Variants in MORF4L1 observed in about 807,000 individuals in gnomAD.
The protein encoded by MORF4L1 is mortality factor 4-like protein 1.
MORF4L1 carries 4 observed loss-of-function variants against 52.9 expected under a neutral mutation model. That is an observed-to-expected ratio of 0.08 (90% confidence interval 0.04 to 0.17). MORF4L1 has a LOEUF of 0.17. MORF4L1 is among the 10% of genes least tolerant of loss of function. The probability of loss-of-function intolerance (pLI) is 1.00; values close to 1 mark genes in which losing one functional copy is unlikely to be tolerated. For missense variants in MORF4L1, 214 were observed against 390.4 expected (o/e 0.55, Z 3.81); for synonymous variants, 123 against 134.8 (o/e 0.91, Z 0.61).
In MORF4L1 at chr15:78,894,185, C is replaced by G; in HGVS notation, c.757C>G (p.Pro253Ala). The change falls in exon 10 of 12, where the codon CCC (proline) becomes GCC (alanine). Residue 253 changes from proline (P) to alanine (A), a missense_variant. Around this residue, in one of 5 missense-constraint regions of MORF4L1, gnomAD observed 68 missense variants for 171.6 expected, o/e 0.40. Coordinates refer to ENST00000426013, the MANE Select transcript of MORF4L1 (RefSeq NM_006791.4). Reference protein sequence around the residue: ...AEILADHPDAPMSQVYGAPHL... With the variant: ...AEILADHPDAAMSQVYGAPHL... Reference sequence around the variant, plus strand: ...AATTCTTGCAGATCATCCCGATGCACCCATGTCCCAGGTGTATGGAGCGCC... The same window carrying G: ...AATTCTTGCAGATCATCCCGATGCAGCCATGTCCCAGGTGTATGGAGCGCC... 6.2e-7 allele frequency: 1 copy of G among 1,613,840 alleles called. No homozygotes were observed. The highest frequency in any genetic ancestry group is 8.5e-7 in the Non-Finnish European group (1 of 1,179,908).
At chr15:78,873,247 A>C in intron 1 of MORF4L1, 190 bp downstream of exon 1, 1 of 1,502,100 alleles carries the variant, frequency 6.7e-7, no homozygotes, top group Non-Finnish European at 8.8e-7. Flanking sequence ...GCGCTTTGTG[A>C]AGCGAGAGTG....
At chr15:78,896,856 A>T in intron 11 of MORF4L1, 127 bp from the exon 12 acceptor site, 2 of 659,910 alleles carry the variant, frequency 3.0e-6, no homozygotes, top group Non-Finnish European at 5.4e-6. Flanking sequence ...TTTTACTGTG[A>T]GAGAATGTCT....
intron 4 of MORF4L1, 106 bp from the exon 5 acceptor site, chr15:78,887,163 C>T (rs1456886388): frequency 1.1e-6 from 1 of 924,786 alleles, no homozygotes; most frequent in African/African-American, 1.7e-5. Flanking sequence ...TTGTTAAAAA[C>T]TTGTTGCCAG....
chr15:78,878,313 G>A, intron 2 of MORF4L1, 54 bp downstream of exon 2: 1 of 1,531,214 alleles, frequency 6.5e-7, no homozygotes, highest in South Asian at 1.2e-5. Context: ...GTTAGATCTG[G>A]CCATTTAATA....
intron 1 of MORF4L1, among the ~76,000 whole-genome samples, chr15:78,874,960 G>A (rs935993200): frequency 2.6e-5 from 4 of 151,780 alleles, no homozygotes; most frequent in Admixed American, 2.6e-4. Context: ...CACCACATTA[G>A]CATTTTCAGT....
At chr15:78,894,443 C>CACTG in intron 10 of MORF4L1, 1 of 406,272 alleles carries the variant, frequency 2.5e-6, no homozygotes, top group Admixed American at 4.3e-5. Flanking sequence ...CAGACAGTCT[C>CACTG]TGTTGCCCAG....
rs149947320 is a variant in MORF4L1, at chr15:78,896,916, T to C, written c.888-67T>C. The stretch of plus-strand genomic sequence containing the variant: ...TTTTCTGTGGCTTATGTATATAATA[T>C]ATAGGAAGAGATTTGGATCAAGATA... On this transcript the variant is annotated intron_variant, in intron 11 of 11. Transcript: ENST00000426013. The C allele has an allele frequency of 7.6e-5, 91 of 1,199,788 alleles. No homozygotes were observed. The East Asian group carries it at 2.0e-3, about 27-fold the overall frequency. 74.3% of individuals were successfully genotyped at this position (1,199,788 alleles called of 1,614,324 possible).
Position 78,897,403 on chromosome 15 carries a change from G to A in MORF4L1, c.*336G>A, listed in dbSNP as rs1359783447. The A allele has an allele frequency of 1.0e-5, 2 of 198,088 alleles. No homozygotes were observed. The highest frequency in any genetic ancestry group is 9.2e-5 in the South Asian group (1 of 10,830). The allele number at this position is 198,088 out of a possible 1,614,324, so 12.3% of individuals were successfully genotyped here. A position where few individuals can be genotyped will look rare whatever the true frequency, so the allele number is the denominator to read the frequency against. ...ACGCACTTTTATAATACATGTTAAT[G>A]CTATATGACAAAATGCTCTGATTCC... On this transcript the variant is annotated 3_prime_UTR_variant, in exon 12 of 12. Transcript: ENST00000426013.
intron 5 of MORF4L1, among the ~76,000 whole-genome samples, chr15:78,888,788 TA>T (rs1392100150): frequency 1.3e-5 from 2 of 148,474 alleles, no homozygotes; most frequent in African/African-American, 4.9e-5. Context: ...TGAAGCTTTT[TA>T]TTTTTTTTTA....
At position 78,892,306 on chromosome 15, in the gene MORF4L1, A is replaced by G; in HGVS notation, c.533A>G (p.Gln178Arg). ...LVDDWDLITR[Q>R]KQLFYLPAKK... ...GATGACTGGGACTTAATTACCAGGC[A>G]AAAACAGGTAACTTGAAAAGCTACC... is the stretch of plus-strand genomic sequence containing the variant. The change falls in exon 8 of 12, where the codon CAA (glutamine) becomes CGA (arginine). Residue 178 changes from glutamine to arginine, a missense_variant. By Grantham distance (43) the Gln-to-Arg change is conservative (BLOSUM62 1). Around this residue, in one of 5 missense-constraint regions of MORF4L1, gnomAD observed 68 missense variants for 171.6 expected, o/e 0.40. Coordinates refer to ENST00000426013, the MANE Select transcript of MORF4L1 (RefSeq NM_006791.4). 1 of 1,611,088 alleles carries G rather than the reference A, an allele frequency of 6.2e-7. No individual in the cohort carries two copies. Among genetic ancestry groups the G allele is most frequent in the Non-Finnish European group, 8.5e-7 (1 of 1,177,328 alleles).
intron 2 of MORF4L1, among the ~76,000 whole-genome samples, chr15:78,879,015 A>ACTT (rs2141591751): frequency 6.6e-6 from 1 of 151,020 alleles, no homozygotes; most frequent in Non-Finnish European, 1.5e-5. Flanking sequence ...TTCTGACTAA[A>ACTT]TATTAGCCAT....
chr15:78,878,193 T>C lies in MORF4L1; in HGVS notation c.41-20T>C. 6.2e-7 allele frequency: 1 copy of C among 1,605,428 alleles called. No individual in the cohort carries two copies. Among genetic ancestry groups the C allele is most frequent in the Non-Finnish European group, 8.5e-7 (1 of 1,176,410 alleles). On this transcript the variant is annotated intron_variant, in intron 1 of 11. Transcript: ENST00000426013. The stretch of plus-strand genomic sequence containing the variant: ...TATATGAGAAGAAATTACAATTCAG[T>C]ACTTTTTCTCCCTTTACAGGTGAGC...
chr15:78,894,178 C>T lies in MORF4L1; in HGVS notation c.750C>T (p.Pro250=), dbSNP rs769111969. ...PQYAEILADH[P]DAPMSQVYGA... The stretch of plus-strand genomic sequence containing the variant: ...ATGCTGAAATTCTTGCAGATCATCC[C>T]GATGCACCCATGTCCCAGGTGTATG... The change falls in exon 10 of 12, where the codon CCC becomes CCT. Residue 250 remains proline (P), a synonymous_variant. Transcript: ENST00000426013. The T allele has an allele frequency of 2.3e-5, 37 of 1,613,798 alleles. No homozygotes were observed. The South Asian group carries it at 2.5e-4, about 11-fold the overall frequency.
intron 1 of MORF4L1, among the ~76,000 whole-genome samples, chr15:78,877,195 A>T (rs545797405): frequency 7.2e-6 from 1 of 139,808 alleles, no homozygotes; most frequent in South Asian, 2.2e-4. Flanking sequence ...ATCTTAGCTC[A>T]CTGCAACCTC....
chr15:78,879,285 G>A (rs8032867), intron 2 of MORF4L1, among the ~76,000 whole-genome samples: 19,680 of 151,764 alleles, frequency 0.13, 1,352 homozygotes, highest in East Asian at 0.26. Flanking sequence ...GCAGTGGTGC[G>A]ATCTTGGCTC....
At chr15:78,891,272 G>T in intron 6 of MORF4L1, 1 of 650,482 alleles carries the variant, frequency 1.5e-6, no homozygotes, top group Non-Finnish European at 2.7e-6. Flanking sequence ...ATAAATGGAA[G>T]ATGGTGATAC....
At position 78,897,271 on chromosome 15, in the gene MORF4L1, T is replaced by A. The variant is rs1332430182; in HGVS notation, c.*204T>A. 4.4e-6 allele frequency: 2 copies of A among 451,718 alleles called. No individual in the cohort carries two copies. The highest frequency in any genetic ancestry group is 7.1e-5 in the Admixed American group (2 of 28,156). The allele number at this position is 451,718 out of a possible 1,614,324, so 28.0% of individuals were successfully genotyped here. A position where few individuals can be genotyped will look rare whatever the true frequency, so the allele number is the denominator to read the frequency against. ...TTTTTTTTTTTCATTTCAAAATTGC[T>A]GCCAGTGTTTTCAATGATGGACAAC... On this transcript the variant is annotated 3_prime_UTR_variant, in exon 12 of 12. Coordinates refer to ENST00000426013, the MANE Select transcript of MORF4L1 (RefSeq NM_006791.4).
chr15:78,886,780 C>T (rs1367309098), intron 4 of MORF4L1, among the ~76,000 whole-genome samples: 2 of 151,968 alleles, frequency 1.3e-5, no homozygotes, highest in Admixed American at 6.6e-5. Context: ...ACGGTGAAAC[C>T]CCGTCTCTAC....
intron 1 of MORF4L1, among the ~76,000 whole-genome samples, chr15:78,876,738 C>G (rs548057030): frequency 5.3e-5 from 8 of 152,176 alleles, no homozygotes; most frequent in East Asian, 3.9e-4. Flanking sequence ...TTGATCTTCC[C>G]GTTTTCCAGT....
Sources: gnomAD v4.1 joint callset for allele counts (sites outside exome capture counted in the v4.1 genomes callset) on GRCh38, gnomAD v4.1.1 for gene constraint, gnomAD v4.1.1 regional missense constraint, MANE v1.5 for transcripts, NCBI Gene and HGNC (gene_info 2026-07-23, HGNC 2026-07-21) for gene names.